The following STIM2 variants were observed in gnomAD, a reference collection of about 807,000 sequenced individuals.
The protein encoded by STIM2 is stromal interaction molecule 2.
Under a neutral mutation model 85.8 loss-of-function variants are expected in STIM2, and 31 were observed. That is an observed-to-expected ratio of 0.36 (90% CI 0.27 to 0.49). STIM2 has a LOEUF of 0.49. Ranked by LOEUF, STIM2 falls within the 20% of genes least tolerant of loss-of-function variation. STIM2 has a pLI of 0.98. For missense variants in STIM2, 841 were observed against 927.6 expected (o/e 0.91, Z 1.21); for synonymous variants, 356 against 331.1 (o/e 1.08, Z -0.82).
intron 2 of STIM2, among the ~76,000 whole-genome samples, chr4:26,951,746 A>G (rs1726061693): frequency 6.6e-6 from 1 of 152,142 alleles, no homozygotes; most frequent in African/African-American, 2.4e-5. Context: ...GAATATTAAC[A>G]TGAATATTAA....
chr4:26,860,894 C>A lies in STIM2; in HGVS notation c.-325C>A. 5 of 1,053,366 alleles carry A rather than the reference C, an allele frequency of 4.7e-6. No homozygotes were observed. The highest frequency in any genetic ancestry group is 5.8e-6 in the Non-Finnish European group (5 of 857,200). 65.3% of individuals were successfully genotyped at this position (1,053,366 alleles called of 1,614,324 possible). Reference sequence around the variant, plus strand: ...CAGCAGCGCGGGTGTCGTGCACCGCCTGAAGACGCCGTACCTTTCTACCCC... The same window carrying A: ...CAGCAGCGCGGGTGTCGTGCACCGCATGAAGACGCCGTACCTTTCTACCCC... On this transcript the variant is annotated 5_prime_UTR_variant, in exon 1 of 12. The change creates a new upstream start codon in the 5' untranslated region. Coordinates refer to ENST00000467087, the MANE Select transcript of STIM2 (RefSeq NM_020860.4).
chr4:26,915,715 A>G (rs965850099), intron 1 of STIM2, among the ~76,000 whole-genome samples: 7 of 152,230 alleles, frequency 4.6e-5, no homozygotes, highest in African/African-American at 1.7e-4. Flanking sequence ...CCCTCAGCGC[A>G]AAGTGCTGCT....
At chr4:26,879,790 CAG>C (rs1284798337) in intron 1 of STIM2, among the ~76,000 whole-genome samples, 2 of 152,134 alleles carry the variant, frequency 1.3e-5, no homozygotes, top group Non-Finnish European at 2.9e-5. Flanking sequence ...ATGATTCAGC[CAG>C]AGTCCTAAGA....
At chr4:26,961,373 T>G (rs1726461975) in intron 3 of STIM2, among the ~76,000 whole-genome samples, 1 of 152,140 alleles carries the variant, frequency 6.6e-6, no homozygotes, top group Admixed American at 6.5e-5. Context: ...TTTGGAAAAG[T>G]CACATGTGAA....
Position 26,877,044 on chromosome 4 carries a change from G to A in STIM2, c.151+15675G>A, listed in dbSNP as rs115987880. ...CCTCTTTGGATCTTGGTTGTCTTTT[G>A]TTAATTTTGGAAAATCTTGGCTATT... On this transcript the variant is annotated intron_variant, in intron 1 of 11. Transcript: ENST00000467087. 3.5e-3 allele frequency among the ~76,000 whole-genome samples: 540 copies of A among 152,120 alleles called. 2 individuals are homozygous for A. Among genetic ancestry groups the A allele is most frequent in the African/African-American group, 0.012 (498 of 41,528 alleles).
chr4:26,967,251 A>G (rs903758177), intron 3 of STIM2, among the ~76,000 whole-genome samples: 5 of 152,224 alleles, frequency 3.3e-5, no homozygotes, highest in Admixed American at 6.5e-5. Flanking sequence ...CAATGTTCTA[A>G]AAGCAAACAA....
At chr4:26,864,828 T>C (rs189115685) in intron 1 of STIM2, among the ~76,000 whole-genome samples, 1 of 152,278 alleles carries the variant, frequency 6.6e-6, no homozygotes, top group East Asian at 1.9e-4. Flanking sequence ...CACACATCTG[T>C]GTTGTGGGGC....
At chr4:26,914,404 C>T (rs767172310) in intron 1 of STIM2, among the ~76,000 whole-genome samples, 1 of 152,200 alleles carries the variant, frequency 6.6e-6, no homozygotes, top group Non-Finnish European at 1.5e-5. Flanking sequence ...GCTCATCTTT[C>T]AAGAATCAGT....
intron 10 of STIM2, among the ~76,000 whole-genome samples, chr4:27,016,814 A>G (rs757448321): frequency 2.0e-5 from 3 of 152,148 alleles, no homozygotes; most frequent in Non-Finnish European, 2.9e-5. Context: ...CCAGTAAGAG[A>G]GAGAATGTCC....
At chr4:26,997,425 C>A (rs1727996856) in intron 4 of STIM2, among the ~76,000 whole-genome samples, 1 of 152,092 alleles carries the variant, frequency 6.6e-6, no homozygotes, top group Admixed American at 6.5e-5. Context: ...TTCTTACTGC[C>A]AAACATTATA....
intron 2 of STIM2, among the ~76,000 whole-genome samples, chr4:26,948,718 G>C (rs1009901256): frequency 6.6e-6 from 1 of 151,932 alleles, no homozygotes; most frequent in Non-Finnish European, 1.5e-5. Flanking sequence ...GCAGCCTTCA[G>C]TATTCTGGAA....
intron 3 of STIM2, among the ~76,000 whole-genome samples, chr4:26,974,815 A>G (rs181738726): frequency 3.9e-4 from 59 of 152,294 alleles, no homozygotes; most frequent in African/African-American, 1.3e-3. Flanking sequence ...TCTCCTGGAT[A>G]ATATACTGAA....
At chr4:26,981,925 A>G (rs552379377) in intron 3 of STIM2, among the ~76,000 whole-genome samples, 1 of 151,028 alleles carries the variant, frequency 6.6e-6, no homozygotes, top group Non-Finnish European at 1.5e-5. Context: ...CTGTGTTTCC[A>G]TAACTATAAA....
At chr4:27,002,868 T>TAAA in intron 6 of STIM2, 59 bp from the exon 7 acceptor site, 2 of 1,303,774 alleles carry the variant, frequency 1.5e-6, no homozygotes, top group Non-Finnish European at 1.0e-6. Flanking sequence ...CATTATTTTG[T>TAAA]AAAAAAAAAT....
intron 1 of STIM2, among the ~76,000 whole-genome samples, chr4:26,871,956 A>C (rs1450912013): frequency 6.6e-6 from 1 of 152,170 alleles, no homozygotes; most frequent in East Asian, 1.9e-4. Flanking sequence ...TAGATGATTT[A>C]GTCTGTTAGT....
At chr4:26,930,094 CATA>C (rs1256276638) in intron 2 of STIM2, among the ~76,000 whole-genome samples, 1 of 152,110 alleles carries the variant, frequency 6.6e-6, no homozygotes, top group East Asian at 1.9e-4. Flanking sequence ...TCTGGACCAA[CATA>C]AAAAAGGTTA....
At chr4:26,963,412 G>A (rs1253143427) in intron 3 of STIM2, among the ~76,000 whole-genome samples, 1 of 152,112 alleles carries the variant, frequency 6.6e-6, no homozygotes, top group East Asian at 1.9e-4. Flanking sequence ...AAATAGAAAA[G>A]TGTGTATTGT....
chr4:27,016,162 A>C (rs1728724792), intron 10 of STIM2, among the ~76,000 whole-genome samples: 1 of 151,980 alleles, frequency 6.6e-6, no homozygotes. Flanking sequence ...TTGATTCTTC[A>C]TCAACTCTAT....
At chr4:27,014,741 T>C (rs1225856777) in intron 10 of STIM2, among the ~76,000 whole-genome samples, 1 of 151,954 alleles carries the variant, frequency 6.6e-6, no homozygotes, top group African/African-American at 2.4e-5. Flanking sequence ...TTTTGTCTGT[T>C]CTTCTATGAG....
Sources: gnomAD v4.1 joint callset for allele counts (sites outside exome capture counted in the v4.1 genomes callset) on GRCh38, gnomAD v4.1.1 for gene constraint, MANE v1.5 for transcripts, NCBI Gene and HGNC (gene_info 2026-07-23, HGNC 2026-07-21) for gene names.